The following TANGO6 variants were observed in gnomAD, a reference collection of about 807,000 sequenced individuals.
TANGO6 encodes the protein transport and Golgi organization protein 6 homolog.
In TANGO6, 90 loss-of-function variants were observed where a neutral mutation model predicts 114.2. That is an observed-to-expected ratio of 0.79 (90% CI 0.66 to 0.94). The LOEUF is 0.94. TANGO6 is among the 40% of genes least tolerant of loss of function. The pLI is 0.00. For missense variants in TANGO6, 1,274 were observed against 1,315.3 expected, an observed-to-expected ratio of 0.97 and a Z score of 0.49; for synonymous variants, 477 against 509.8, an observed-to-expected ratio of 0.94 and a Z score of 0.87.
intron 12 of TANGO6, among the ~76,000 whole-genome samples, chr16:68,922,405 G>T (rs192514450): frequency 6.6e-6 from 1 of 151,970 alleles, no homozygotes. Flanking sequence ...GCTTGGTGGC[G>T]CGTGCCTATA....
chr16:69,032,131 G>A (rs1364682847), intron 16 of TANGO6, among the ~76,000 whole-genome samples: 1 of 152,112 alleles, frequency 6.6e-6, no homozygotes, highest in Non-Finnish European at 1.5e-5. Context: ...AAGAACAGGA[G>A]TTGGCACCAG....
At chr16:68,969,062 T>G (rs142157033) in intron 14 of TANGO6, among the ~76,000 whole-genome samples, 61 of 152,336 alleles carry the variant, frequency 4.0e-4, no homozygotes, top group African/African-American at 1.5e-3. Context: ...CTTCCCAGTT[T>G]GGATTCACTT....
At chr16:68,857,640 T>C (rs1335153151) in intron 1 of TANGO6, among the ~76,000 whole-genome samples, 2 of 152,182 alleles carry the variant, frequency 1.3e-5, no homozygotes, top group African/African-American at 2.4e-5. Context: ...CCACCAGCAA[T>C]GAATGAGAGT....
chr16:68,927,601 T>C lies in TANGO6; in HGVS notation c.2161T>C (p.Leu721=), dbSNP rs1267983986. The C allele has an allele frequency of 1.9e-6, 3 of 1,613,968 alleles. No homozygotes were observed. The highest frequency in any genetic ancestry group is 2.2e-5 in the East Asian group (1 of 44,886). Residue 721 remains leucine (L), a synonymous_variant, in exon 13 of 18, where the codon TTG becomes CTG. Transcript: ENST00000261778. ...KSSDFAVLKQ[L]LPLLEKVSNT... is the part of the protein sequence containing the mutation. The stretch of plus-strand genomic sequence containing the variant: ...AAGTGATTTTGCTGTTCTGAAGCAG[T>C]TGTTGCCTCTGTTGGAGAAGGTATC...
rs765521079 is a variant in TANGO6, at chr16:68,860,120, C to A, written c.331C>A (p.Arg111Ser). The stretch of plus-strand genomic sequence containing the variant: ...TTTGTGCTTGAAGGAAACCATGATC[C>A]GCCTTGCAGCTAATTTCAATCCAGG... ...LLLCLKETMI[R>S]LAANFNPGKP... Residue 111 changes from arginine to serine, a missense_variant, in exon 2 of 18, where the codon CGC becomes AGC. Physicochemically the swap from Arg to Ser is moderately radical, Grantham distance 110. Transcript: ENST00000261778. 6.2e-7 allele frequency: 1 copy of A among 1,613,984 alleles called. No homozygotes were observed. The highest frequency in any genetic ancestry group is 2.2e-5 in the East Asian group (1 of 44,884).
chr16:69,055,010 A>T (rs930804708), intron 17 of TANGO6, among the ~76,000 whole-genome samples: 13 of 149,292 alleles, frequency 8.7e-5, no homozygotes, highest in Non-Finnish European at 1.8e-4. Context: ...CTGGTAACTT[A>T]AAGATGCCAA....
At chr16:68,903,424 G>A (rs1406281052) in intron 9 of TANGO6, among the ~76,000 whole-genome samples, 1 of 151,750 alleles carries the variant, frequency 6.6e-6, no homozygotes, top group Non-Finnish European at 1.5e-5. Context: ...TTTGAGACCA[G>A]CCTGGCCAAC....
intron 15 of TANGO6, among the ~76,000 whole-genome samples, chr16:69,018,147 T>TC (rs1959336919): frequency 1.5e-5 from 2 of 135,012 alleles, no homozygotes; most frequent in African/African-American, 5.6e-5. Context: ...CTCTTTTTTT[T>TC]TTTTTTTTTT....
chr16:68,982,182 A>C lies in TANGO6; in HGVS notation c.2842+8014A>C, dbSNP rs187225430. ...CCACGTGGGCCATTCTGTTTCTCTCAAATGTGTTAAATCCAGGGCTGCCAC... is the reference window on the plus strand; with the variant it reads ...CCACGTGGGCCATTCTGTTTCTCTCCAATGTGTTAAATCCAGGGCTGCCAC... On this transcript the variant is annotated intron_variant, in intron 15 of 17. Transcript: ENST00000261778. Among the ~76,000 whole-genome samples, 1,334 of 152,270 alleles carry C rather than the reference A, an allele frequency of 8.8e-3. 13 individuals carry two copies. Among genetic ancestry groups the C allele is most frequent in the Middle Eastern group, 0.02 (6 of 294 alleles).
intron 17 of TANGO6, among the ~76,000 whole-genome samples, chr16:69,067,953 A>G (rs559361554): frequency 7.1e-4 from 106 of 149,796 alleles, no homozygotes; most frequent in Non-Finnish European, 1.1e-3. Flanking sequence ...AAAAAAAAAA[A>G]AAAGAAAATA....
At chr16:68,866,974 CCTT>C in intron 3 of TANGO6, 102 bp from the exon 4 acceptor site, 2 of 789,984 alleles carry the variant, frequency 2.5e-6, no homozygotes, top group South Asian at 2.0e-5. Context: ...AGCTATTTCT[CCTT>C]TTTTTTTTTT....
chr16:68,933,608 G>A (rs1291451189), intron 14 of TANGO6, among the ~76,000 whole-genome samples: 1 of 152,190 alleles, frequency 6.6e-6, no homozygotes, highest in East Asian at 1.9e-4. Context: ...TGAACCAGTG[G>A]CCTACCAGGG....
chr16:69,069,152 G>A (rs1422587546), intron 17 of TANGO6, among the ~76,000 whole-genome samples: 1 of 152,112 alleles, frequency 6.6e-6, no homozygotes, highest in African/African-American at 2.4e-5. Flanking sequence ...TAATAATTGG[G>A]AGCTCTAGGG....
chr16:68,994,755 A>AT (rs1028843927), intron 15 of TANGO6, among the ~76,000 whole-genome samples: 81 of 149,032 alleles, frequency 5.4e-4, no homozygotes, highest in African/African-American at 1.8e-3. Context: ...AAAAAAAAAA[A>AT]TTTTTTTTTT....
At chr16:69,080,704 T>C (rs1369161986) in intron 17 of TANGO6, among the ~76,000 whole-genome samples, 1 of 152,184 alleles carries the variant, frequency 6.6e-6, no homozygotes, top group African/African-American at 2.4e-5. Flanking sequence ...ATGTACTCTT[T>C]TGTACTGTAT....
At chr16:68,915,648 C>T (rs894843967) in intron 11 of TANGO6, among the ~76,000 whole-genome samples, 5 of 152,160 alleles carry the variant, frequency 3.3e-5, no homozygotes, top group African/African-American at 4.8e-5. Context: ...CTCTAGAAAG[C>T]GCTAGTGTCC....
intron 15 of TANGO6, among the ~76,000 whole-genome samples, chr16:69,012,556 C>CAAAAAAA (rs1175561720): frequency 1.2e-3 from 45 of 36,362 alleles, no homozygotes; most frequent in East Asian, 2.3e-3. Flanking sequence ...AACTCTGTCT[C>CAAAAAAA]AAAAAAAAAA....
In TANGO6 at chr16:68,867,200, G is replaced by T. The variant is rs745994025; in HGVS notation, c.974G>T (p.Gly325Val). 6.2e-7 allele frequency: 1 copy of T among 1,613,782 alleles called. No homozygotes were observed. The highest frequency in any genetic ancestry group is 8.5e-7 in the Non-Finnish European group (1 of 1,179,830). The change falls in exon 4 of 18, where the codon GGC becomes GTC. Residue 325 changes from glycine to valine, a missense_variant. Transcript: ENST00000261778. ...RPNGVQAVVR[G>V]ILEGAGAGAA... Reference sequence around the variant, plus strand: ...AATGGTGTTCAGGCAGTAGTCCGGGGCATTTTGGAAGGAGCAGGTGGTAAG... The same window carrying T: ...AATGGTGTTCAGGCAGTAGTCCGGGTCATTTTGGAAGGAGCAGGTGGTAAG...
chr16:69,029,289 T>G (rs1263128354), intron 16 of TANGO6, among the ~76,000 whole-genome samples: 1 of 152,238 alleles, frequency 6.6e-6, no homozygotes, highest in Non-Finnish European at 1.5e-5. Flanking sequence ...CTACACCATC[T>G]GTTTACTTGC....
Sources: allele counts gnomAD v4.1 joint callset (sites outside exome capture counted in the v4.1 genomes callset), GRCh38; gene constraint gnomAD v4.1.1; transcripts MANE v1.5; gene names NCBI Gene and HGNC (gene_info 2026-07-23, HGNC 2026-07-21).